ADGRL1: variants seen among roughly 807,000 people sequenced by gnomAD.
ADGRL1 encodes CIRL-1.
In ADGRL1, 31 loss-of-function variants were observed where a neutral mutation model predicts 148.9. The ratio of observed to expected loss-of-function variants is 0.21; its 90% confidence interval spans 0.16 to 0.28. The LOEUF (loss-of-function observed/expected upper bound fraction) is 0.28. Ranked by LOEUF, ADGRL1 falls within the 10% of genes least tolerant of loss-of-function variation. The pLI is 1.00. For synonymous variants in ADGRL1, 937 were observed against 900.3 expected (o/e 1.04, Z -0.73); for missense variants, 1,521 against 2,058.8 (o/e 0.74, Z 5.05).
intron 1 of ADGRL1, among the ~76,000 whole-genome samples, chr19:14,199,026 C>A (rs1972439398): frequency 6.6e-6 from 1 of 152,218 alleles, no homozygotes; most frequent in Non-Finnish European, 1.5e-5. Context: ...GATCCCCCTG[C>A]CTCATCAGAT....
chr19:14,151,405 C>T lies in ADGRL1; in HGVS notation c.3878G>A (p.Ser1293Asn), dbSNP rs1230165345. 1.2e-6 allele frequency: 2 copies of T among 1,611,042 alleles called. No homozygotes were observed. Among genetic ancestry groups the T allele is most frequent in the East Asian group, 2.2e-5 (1 of 44,804 alleles). Residue 1293 changes from serine (S) to asparagine (N), a missense_variant, in exon 23 of 23, where the codon AGC becomes AAC. Physicochemically the swap from Ser to Asn is conservative, Grantham distance 46 (BLOSUM62 1). Around this residue, in one of 8 missense-constraint regions of ADGRL1, gnomAD observed 390 missense variants for 375.0 expected, o/e 1.04. Transcript: ENST00000361434. ...LVHNNLRGSSSAAKGPPPPEP... is the reference protein window; with the variant it reads ...LVHNNLRGSSNAAKGPPPPEP... ...AGGCGGTGGAGGGCCCTTGGCCGCG[C>T]TGCTGCTCCCCCGCAGGTTGTTGTG... is the stretch of plus-strand genomic sequence containing the variant.
intron 1 of ADGRL1, among the ~76,000 whole-genome samples, chr19:14,200,045 CA>C (rs1972498626): frequency 6.6e-6 from 1 of 152,194 alleles, no homozygotes; most frequent in Admixed American, 6.5e-5. Flanking sequence ...TTGCAATTTT[CA>C]ACAGGATGAT....
intron 3 of ADGRL1, among the ~76,000 whole-genome samples, chr19:14,172,525 AAGCCAGG>A (rs1376941943): frequency 6.6e-6 from 1 of 152,034 alleles, no homozygotes; most frequent in Non-Finnish European, 1.5e-5. Flanking sequence ...GGATCACTTG[AAGCCAGG>A]AGCTTGAGAG....
intron 3 of ADGRL1, among the ~76,000 whole-genome samples, chr19:14,172,655 G>C (rs1449669774): frequency 6.6e-6 from 1 of 151,094 alleles, no homozygotes; most frequent in Non-Finnish European, 1.5e-5. Flanking sequence ...CCCAAGAATC[G>C]CTAGAACCCA....
Position 14,148,244 on chromosome 19 carries a change from G to C in ADGRL1, c.*2629C>G, listed in dbSNP as rs982807235. On this transcript the variant is annotated 3_prime_UTR_variant, in exon 23 of 23. Coordinates refer to ENST00000361434, the MANE Select transcript of ADGRL1 (RefSeq NM_014921.5). The stretch of plus-strand genomic sequence containing the variant: ...GGGCTCTGGGGGCGGCTTTGCACTG[G>C]ACTGCAGTGATGTCCAGCCCCAGCA... The C allele has an allele frequency of 1.3e-5, 2 of 152,752 alleles. No individual in the cohort carries two copies. The highest frequency in any genetic ancestry group is 4.8e-5 in the African/African-American group (2 of 41,442). 9.5% of individuals were successfully genotyped at this position (152,752 alleles called of 1,614,324 possible).
At chr19:14,165,743 G>C (rs984005421) in intron 4 of ADGRL1, among the ~76,000 whole-genome samples, 1 of 149,602 alleles carries the variant, frequency 6.7e-6, no homozygotes, top group Non-Finnish European at 1.5e-5. Flanking sequence ...CCTGGGGCCA[G>C]CAGCCCAGGC....
chr19:14,159,373 G>GT lies in ADGRL1; in HGVS notation c.2023+27dup. 1 of 1,589,684 alleles carries GT rather than the reference G, an allele frequency of 6.3e-7. No individual in the cohort carries two copies. Among genetic ancestry groups the GT allele is most frequent in the South Asian group, 1.1e-5 (1 of 88,162 alleles). The stretch of plus-strand genomic sequence containing the variant: ...CCCGTGGTTTAAGGTTCGTATCTGA[G>GT]TTTGCCCTGGGTGACTGTGGCACTC... On this transcript the variant is annotated intron_variant, in intron 10 of 22. Transcript: ENST00000361434. The surrounding 1 kb of genome is among the most constrained non-coding windows in gnomAD (Gnocchi z 6.0).
At position 14,155,856 on chromosome 19, in the gene ADGRL1, A is replaced by G; in HGVS notation, c.3125+254T>C. ...CTTTAAGTTGCCCTTAAACAGACTC[A>G]CCTTTTGAATTTAGCCTCAGCCTAC... is the stretch of plus-strand genomic sequence containing the variant. On this transcript the variant is annotated intron_variant, in intron 17 of 22. Coordinates refer to ENST00000361434, the MANE Select transcript of ADGRL1 (RefSeq NM_014921.5). The surrounding 1 kb of genome is among the most constrained non-coding windows in gnomAD (Gnocchi z 5.0). The G allele has an allele frequency of 1.7e-6, 1 of 579,554 alleles. No homozygotes were observed. The highest frequency in any genetic ancestry group is 2.9e-5 in the East Asian group (1 of 34,968). The allele number at this position is 579,554 out of a possible 1,614,324, so 35.9% of individuals were successfully genotyped here.
chr19:14,180,980 A>G (rs1422555014), intron 2 of ADGRL1, among the ~76,000 whole-genome samples: 2 of 152,008 alleles, frequency 1.3e-5, no homozygotes, highest in African/African-American at 4.8e-5. Flanking sequence ...CCTGGGAGGT[A>G]GAGCTTGCAG....
intron 1 of ADGRL1, among the ~76,000 whole-genome samples, chr19:14,204,172 G>A (rs1208672121): frequency 1.3e-5 from 2 of 152,090 alleles, no homozygotes; most frequent in Non-Finnish European, 2.9e-5. Context: ...GGAAAATCAC[G>A]GATAATTTTC....
intron 1 of ADGRL1, among the ~76,000 whole-genome samples, chr19:14,185,574 G>A (rs564405025): frequency 1.1e-4 from 16 of 152,240 alleles, no homozygotes; most frequent in African/African-American, 3.4e-4. Flanking sequence ...GATTACAGGC[G>A]TGAGCCACTG....
At chr19:14,163,435 G>A (rs1310123626) in intron 4 of ADGRL1, 29 bp from the exon 5 acceptor site, 1 of 1,450,500 alleles carries the variant, frequency 6.9e-7, no homozygotes, top group East Asian at 2.5e-5. Flanking sequence ...AGGGGAGGAG[G>A]TAGGAGAGAA....
chr19:14,165,578 G>A (rs867289538), intron 4 of ADGRL1, among the ~76,000 whole-genome samples: 2 of 151,918 alleles, frequency 1.3e-5, no homozygotes, highest in Non-Finnish European at 2.9e-5. Flanking sequence ...CCCTTGCCCC[G>A]TCACCCCACC....
At chr19:14,163,591 T>C (rs528647580) in intron 4 of ADGRL1, among the ~76,000 whole-genome samples, 185 bp from the exon 5 acceptor site, 42 of 151,834 alleles carry the variant, frequency 2.8e-4, no homozygotes, top group African/African-American at 8.5e-4. Context: ...TGGCTGGTGA[T>C]GGGAAGGGGG....
intron 1 of ADGRL1, among the ~76,000 whole-genome samples, chr19:14,193,265 C>G (rs1016380936): frequency 1.5e-5 from 2 of 132,804 alleles, no homozygotes; most frequent in African/African-American, 5.7e-5. Flanking sequence ...CCCCCGCCCC[C>G]ACCGCCAAAA....
chr19:14,203,722 A>G (rs1056098795), intron 1 of ADGRL1, among the ~76,000 whole-genome samples: 1 of 151,992 alleles, frequency 6.6e-6, no homozygotes, highest in Non-Finnish European at 1.5e-5. Context: ...TGCAGGCTCC[A>G]CAGCCCAGGT....
chr19:14,150,692 C>A lies in ADGRL1; in HGVS notation c.*181G>T. On this transcript the variant is annotated 3_prime_UTR_variant, in exon 23 of 23. Transcript: ENST00000361434. ...CTGGTGGGAAACCCTGTCTGTGAACCCTGGCACCTCAGGCCCCCAGGTTAG... is the reference window on the plus strand; with the variant it reads ...CTGGTGGGAAACCCTGTCTGTGAACACTGGCACCTCAGGCCCCCAGGTTAG... The A allele has an allele frequency of 4.5e-6, 3 of 668,228 alleles. 1 individual carries two copies. The highest frequency in any genetic ancestry group is 1.9e-5 in the African/African-American group (1 of 53,804). 41.4% of individuals were successfully genotyped at this position (668,228 alleles called of 1,614,324 possible). A position where few individuals can be genotyped will look rare whatever the true frequency, so the allele number is the denominator to read the frequency against.
chr19:14,175,209 G>T (rs1568605792), intron 3 of ADGRL1, among the ~76,000 whole-genome samples: 1 of 152,104 alleles, frequency 6.6e-6, no homozygotes, highest in Non-Finnish European at 1.5e-5. Context: ...AGAGAGGCTT[G>T]TGCAGATTTG....
intron 1 of ADGRL1, among the ~76,000 whole-genome samples, chr19:14,201,329 G>C (rs1568243163): frequency 7.0e-6 from 1 of 142,428 alleles, no homozygotes; most frequent in Non-Finnish European, 1.5e-5. Flanking sequence ...GGGTGGGGGG[G>C]GGCAAGGTTA....
Sources: gnomAD v4.1 joint callset for allele counts (sites outside exome capture counted in the v4.1 genomes callset) on GRCh38, gnomAD v4.1.1 for gene constraint, gnomAD v4.1.1 regional missense constraint, Gnocchi (gnomAD v3.1) non-coding constraint, MANE v1.5 for transcripts, NCBI Gene and HGNC (gene_info 2026-07-23, HGNC 2026-07-21) for gene names.